The following FAR2 variants were observed in gnomAD, a reference collection of about 807,000 sequenced individuals.
FAR2 encodes fatty acyl-CoA reductase 2.
A neutral mutation model predicts 56.0 loss-of-function variants in FAR2; 19 were observed. That is an observed-to-expected ratio of 0.34 (90% CI 0.24 to 0.50). The LOEUF (loss-of-function observed/expected upper bound fraction) is 0.50. Among genes scored for constraint, FAR2 ranks in the 20% least tolerant of loss-of-function variants. The probability of loss-of-function intolerance (pLI) is 0.98; values close to 1 mark genes in which losing one functional copy is unlikely to be tolerated. For synonymous variants in FAR2, 219 were observed against 218.8 expected (o/e 1.00, Z -0.01); for missense variants, 508 against 642.2 (o/e 0.79, Z 2.26).
chr12:29,236,742 G>A (rs1251425763), intron 1 of FAR2, among the ~76,000 whole-genome samples: 2 of 151,348 alleles, frequency 1.3e-5, no homozygotes, highest in African/African-American at 2.4e-5. Context: ...GATGAGATTT[G>A]GGTGGGGACA....
At chr12:29,321,369 C>CA (rs1194990165) in intron 9 of FAR2, among the ~76,000 whole-genome samples, 1 of 152,054 alleles carries the variant, frequency 6.6e-6, no homozygotes. Flanking sequence ...ACAAAATATA[C>CA]AAAAAATTAG....
chr12:29,323,292 G>A (rs1035627651), intron 10 of FAR2, among the ~76,000 whole-genome samples: 38 of 152,204 alleles, frequency 2.5e-4, no homozygotes, highest in African/African-American at 6.8e-4. Context: ...AAGGAGGCCC[G>A]CCTGCCTCTG....
chr12:29,217,038 T>A (rs1292724989), intron 1 of FAR2, among the ~76,000 whole-genome samples: 5 of 152,170 alleles, frequency 3.3e-5, no homozygotes, highest in Non-Finnish European at 7.3e-5. Context: ...TTAAAAAATA[T>A]TTTGGCTCTT....
rs73079509 is a variant in FAR2, at chr12:29,237,459, G to A, written c.-38-32953G>A. ...TTTTACTTAAGATGTCCTTGAAGGA[G>A]TATTTGAAAATAGTTAGATTTCAGC... On this transcript the variant is annotated intron_variant, in intron 1 of 11. Transcript: ENST00000536681. Among the ~76,000 whole-genome samples, 395 of 152,290 alleles carry A rather than the reference G, an allele frequency of 2.6e-3. 2 individuals are homozygous for A. Among genetic ancestry groups the A allele is most frequent in the South Asian group, 9.7e-3 (47 of 4,828 alleles).
At chr12:29,275,959 G>A (rs1307565418) in intron 2 of FAR2, among the ~76,000 whole-genome samples, 1 of 152,178 alleles carries the variant, frequency 6.6e-6, no homozygotes, top group Non-Finnish European at 1.5e-5. Context: ...TTCTCAAAGT[G>A]TGGTCCCAAT....
chr12:29,173,949 G>A (rs1949911653), intron 1 of FAR2, among the ~76,000 whole-genome samples: 2 of 152,122 alleles, frequency 1.3e-5, no homozygotes, highest in African/African-American at 4.8e-5. Context: ...AGACCACAAA[G>A]AGGACTGAGG....
chr12:29,327,241 A>G lies in FAR2; in HGVS notation c.1257+5317A>G, dbSNP rs150985907. On this transcript the variant is annotated intron_variant, in intron 10 of 11. Transcript: ENST00000536681. The stretch of plus-strand genomic sequence containing the variant: ...AAGGAAAACTACAAACCACTGCTCA[A>G]TGAAATAAAAGAAGATACAAACAAA... 3.4e-3 allele frequency among the ~76,000 whole-genome samples: 524 copies of G among 152,332 alleles called. 5 individuals carry two copies. The highest frequency in any genetic ancestry group is 0.012 in the African/African-American group (492 of 41,570).
intron 1 of FAR2, among the ~76,000 whole-genome samples, chr12:29,235,144 C>G (rs1312246321): frequency 6.6e-6 from 1 of 152,134 alleles, no homozygotes; most frequent in East Asian, 1.9e-4. Context: ...CACTATCACC[C>G]CTTGCTGGCT....
intron 1 of FAR2, among the ~76,000 whole-genome samples, chr12:29,211,538 T>C (rs965240177): frequency 5.9e-5 from 9 of 152,140 alleles, no homozygotes; most frequent in Admixed American, 1.3e-4. Context: ...TAGTAACTGG[T>C]TGGCTCAGGG....
intron 1 of FAR2, among the ~76,000 whole-genome samples, chr12:29,185,304 C>T (rs1186503010): frequency 2.0e-5 from 3 of 152,156 alleles, no homozygotes; most frequent in African/African-American, 7.2e-5. Flanking sequence ...GAAAACTATC[C>T]TGTCCTCTGG....
intron 1 of FAR2, among the ~76,000 whole-genome samples, chr12:29,173,183 T>C (rs1949904729): frequency 6.6e-6 from 1 of 152,198 alleles, no homozygotes; most frequent in African/African-American, 2.4e-5. Flanking sequence ...TGATCTGCTT[T>C]ATATCAGAGA....
rs80351539 is a variant in FAR2, at chr12:29,214,448, A to G, written c.-38-55964A>G. 8.4e-3 allele frequency among the ~76,000 whole-genome samples: 1,286 copies of G among 152,342 alleles called. 21 individuals are homozygous for G. The highest frequency in any genetic ancestry group is 0.029 in the African/African-American group (1,212 of 41,570). ...ATGTTTCTGTCCTCGTGGAACTTAC[A>G]TTATTTAAGGAAAGCTGGTTTAGCA... On this transcript the variant is annotated intron_variant, in intron 1 of 11. Transcript: ENST00000536681.
chr12:29,157,110 A>ATATT (rs1949735022), intron 1 of FAR2: 1 of 89,724 alleles, frequency 1.1e-5, no homozygotes, highest in Non-Finnish European at 2.2e-5. Context: ...AACATTTTAT[A>ATATT]TATATATATA....
intron 1 of FAR2, among the ~76,000 whole-genome samples, chr12:29,170,055 C>T (rs559248612): frequency 6.6e-6 from 1 of 152,298 alleles, no homozygotes; most frequent in African/African-American, 2.4e-5. Context: ...TTAATAAGAC[C>T]TCATTCAGCC....
intron 1 of FAR2, among the ~76,000 whole-genome samples, chr12:29,200,476 T>C (rs1237976717): frequency 1.3e-5 from 2 of 152,208 alleles, no homozygotes; most frequent in African/African-American, 4.8e-5. Flanking sequence ...TCAGTCTTCT[T>C]CTAAATTTGG....
At chr12:29,210,097 A>C (rs1947526089) in intron 1 of FAR2, among the ~76,000 whole-genome samples, 2 of 151,984 alleles carry the variant, frequency 1.3e-5, no homozygotes, top group African/African-American at 2.4e-5. Context: ...AGTCCCAGCT[A>C]CTTGGAGGCT....
At chr12:29,249,213 T>C (rs992538375) in intron 1 of FAR2, among the ~76,000 whole-genome samples, 3 of 152,210 alleles carry the variant, frequency 2.0e-5, no homozygotes, top group Admixed American at 2.0e-4. Context: ...TAAGAAATTA[T>C]AAAAGTATTA....
At chr12:29,234,467 C>T (rs1248135103) in intron 1 of FAR2, among the ~76,000 whole-genome samples, 1 of 152,100 alleles carries the variant, frequency 6.6e-6, no homozygotes, top group African/African-American at 2.4e-5. Context: ...CTTCTTTCAC[C>T]CTTTTCACAG....
chr12:29,199,305 T>C (rs925549420), intron 1 of FAR2, among the ~76,000 whole-genome samples: 1 of 151,990 alleles, frequency 6.6e-6, no homozygotes, highest in Non-Finnish European at 1.5e-5. Context: ...TATATGCATT[T>C]TGAAAAGATC....
Sources: gnomAD v4.1 joint callset for allele counts (sites outside exome capture counted in the v4.1 genomes callset) on GRCh38, gnomAD v4.1.1 for gene constraint, MANE v1.5 for transcripts, NCBI Gene and HGNC (gene_info 2026-07-23, HGNC 2026-07-21) for gene names.